The following PSD3 variants were observed in gnomAD, a reference collection of about 807,000 sequenced individuals.
PSD3 encodes PH and SEC7 domain-containing protein 3.
In PSD3, 49 loss-of-function variants were observed where a neutral mutation model predicts 105.5. The observed-to-expected ratio is 0.46, with a 90% CI of 0.37 to 0.59. The LOEUF is 0.59. PSD3 is among the 20% of genes least tolerant of loss of function. The pLI, the probability that PSD3 is intolerant of heterozygous loss-of-function variation, is 0.00. For synonymous variants in PSD3, 557 were observed against 457.8 expected, an observed-to-expected ratio of 1.22 and a Z score of -2.77; for missense variants, 1,561 against 1,263.8, an observed-to-expected ratio of 1.24 and a Z score of -3.57.
At chr8:18,990,577 C>G (rs574604257) in intron 1 of PSD3, among the ~76,000 whole-genome samples, 1 of 152,310 alleles carries the variant, frequency 6.6e-6, no homozygotes, top group South Asian at 2.1e-4. Flanking sequence ...ACCTTTCCCT[C>G]ATTCTCACTC....
At position 18,804,506 on chromosome 8, in the gene PSD3, G is replaced by T; in HGVS notation, c.1910+16C>A. The T allele has an allele frequency of 6.4e-7, 1 of 1,570,784 alleles. No homozygotes were observed. Among genetic ancestry groups the T allele is most frequent in the Non-Finnish European group, 8.7e-7 (1 of 1,143,998 alleles). ...ATTTGAAAGCAATGACGAGCAGCAAGGAGGCTTAGTCATACCTGAGTGACT... is the reference window on the plus strand; with the variant it reads ...ATTTGAAAGCAATGACGAGCAGCAATGAGGCTTAGTCATACCTGAGTGACT... On this transcript the variant is annotated intron_variant, in intron 6 of 15. Coordinates refer to ENST00000327040, the MANE Select transcript of PSD3 (RefSeq NM_015310.4).
At chr8:18,775,788 C>G (rs878934182) in intron 8 of PSD3, among the ~76,000 whole-genome samples, 1 of 152,122 alleles carries the variant, frequency 6.6e-6, no homozygotes, top group Admixed American at 6.6e-5. Context: ...TGTATCTTCA[C>G]TTTGTTGATT....
At chr8:18,809,029 T>A in intron 4 of PSD3, 2 of 971,264 alleles carry the variant, frequency 2.1e-6, no homozygotes, top group Non-Finnish European at 2.8e-6. Context: ...ATCGAGAACG[T>A]AAGAAACAGT....
chr8:18,961,655 CACTCCA>C (rs1563466370), intron 1 of PSD3, among the ~76,000 whole-genome samples: 1 of 152,176 alleles, frequency 6.6e-6, no homozygotes, highest in African/African-American at 2.4e-5. Context: ...CACGCTACTG[CACTCCA>C]GCCTGGGTGA....
At chr8:18,979,363 A>T (rs940077009) in intron 1 of PSD3, among the ~76,000 whole-genome samples, 6 of 152,242 alleles carry the variant, frequency 3.9e-5, no homozygotes, top group African/African-American at 1.4e-4. Flanking sequence ...AGCAGCTCTT[A>T]CATGATGCCA....
chr8:18,971,735 T>C (rs1168110619), intron 1 of PSD3, among the ~76,000 whole-genome samples: 1 of 152,126 alleles, frequency 6.6e-6, no homozygotes. Flanking sequence ...CCAGGTGCAG[T>C]GGCTCACACC....
chr8:18,891,601 C>T (rs1012652139), intron 2 of PSD3, among the ~76,000 whole-genome samples: 17 of 151,772 alleles, frequency 1.1e-4, no homozygotes, highest in African/African-American at 2.9e-4. Flanking sequence ...GCTGGTTTAT[C>T]CAACATCCAA....
At chr8:18,585,297 G>A (rs1803096181) in intron 12 of PSD3, among the ~76,000 whole-genome samples, 1 of 152,086 alleles carries the variant, frequency 6.6e-6, no homozygotes, top group Non-Finnish European at 1.5e-5. Flanking sequence ...AGGAAAATAA[G>A]GTCTGAATAA....
At chr8:18,992,631 C>T (rs1293825435) in intron 1 of PSD3, among the ~76,000 whole-genome samples, 1 of 152,150 alleles carries the variant, frequency 6.6e-6, no homozygotes, top group Non-Finnish European at 1.5e-5. Flanking sequence ...CTAATTAGAA[C>T]AAATGAACTT....
chr8:18,911,705 A>AT (rs1820233104), intron 2 of PSD3, among the ~76,000 whole-genome samples: 1 of 152,150 alleles, frequency 6.6e-6, no homozygotes, highest in South Asian at 2.1e-4. Context: ...CAGCATTTTC[A>AT]TTTTTTATAA....
rs752276064 is a variant in PSD3 at position 18,872,632 on chromosome 8, C to A, written c.232G>T (p.Glu78Ter). Residue 78 changes from glutamate to a stop codon, truncating the protein, a stop_gained, in exon 3 of 16, where the codon GAA becomes TAA. Coordinates refer to ENST00000327040, the MANE Select transcript of PSD3 (RefSeq NM_015310.4). LOFTEE classifies it high-confidence loss of function. ...EGGEGLRASL[E>*]FDGEALPCHP... Reference sequence around the variant, plus strand: ...CATGGCAGAGCCTCACCATCAAATTCCAGAGAAGCCCTTAGGCCTTCTCCA... The same window carrying A: ...CATGGCAGAGCCTCACCATCAAATTACAGAGAAGCCCTTAGGCCTTCTCCA... The A allele has an allele frequency of 6.2e-7, 1 of 1,613,978 alleles. No homozygotes were observed.
rs551202986 is a variant in PSD3, at chr8:19,025,582, T to C, written c.324+58624A>G. ...CCAGGGTTGAGGTCCTGCCATCATT[T>C]GGGGTTACCTCTCCTACCCCCCAGT... On this transcript the variant is annotated intron_variant, in intron 1 of 1. Transcript: ENST00000521475. Among the ~76,000 whole-genome samples, 5 of 152,316 alleles carry C rather than the reference T, an allele frequency of 3.3e-5. No individual in the cohort carries two copies. The South Asian group carries it at 1.0e-3, about 32-fold the overall frequency.
At chr8:18,861,137 G>C (rs1375304260) in intron 4 of PSD3, among the ~76,000 whole-genome samples, 1 of 152,182 alleles carries the variant, frequency 6.6e-6, no homozygotes, top group Non-Finnish European at 1.5e-5. Context: ...AAGACCACCA[G>C]GGCAAGGGCT....
intron 2 of PSD3, among the ~76,000 whole-genome samples, chr8:18,874,808 G>T (rs1235634973): frequency 1.3e-5 from 2 of 151,506 alleles, no homozygotes; most frequent in East Asian, 3.9e-4. Flanking sequence ...CTAATAATAG[G>T]TGTATTGCTA....
chr8:18,822,392 T>G (rs1040430470), intron 4 of PSD3, among the ~76,000 whole-genome samples: 9 of 152,162 alleles, frequency 5.9e-5, no homozygotes, highest in Non-Finnish European at 1.0e-4. Context: ...TTAGTAGTAG[T>G]ACAGTCCATC....
chr8:18,584,932 T>C (rs898376036), intron 12 of PSD3, among the ~76,000 whole-genome samples: 1 of 152,128 alleles, frequency 6.6e-6, no homozygotes, highest in Non-Finnish European at 1.5e-5. Flanking sequence ...AGCGGAGGCA[T>C]GTGTCTGATC....
intron 9 of PSD3, among the ~76,000 whole-genome samples, chr8:18,752,519 A>ATATTATATATTATATATAAT (rs1805606391): frequency 1.5e-5 from 1 of 67,882 alleles, no homozygotes; most frequent in African/African-American, 8.1e-5. Flanking sequence ...TAATATATGT[A>ATATTATATATTATATATAAT]ATATATATAA....
chr8:18,624,373 G>C (rs545355225), intron 11 of PSD3, among the ~76,000 whole-genome samples: 1 of 151,920 alleles, frequency 6.6e-6, no homozygotes, highest in South Asian at 2.1e-4. Context: ...CTTCATATAT[G>C]TATTGATCAT....
In PSD3 at chr8:18,975,797, T is replaced by C. The variant is rs538731275; in HGVS notation, c.21+37766A>G. Among the ~76,000 whole-genome samples, 11 of 152,132 alleles carry C rather than the reference T, an allele frequency of 7.2e-5. No individual in the cohort carries two copies. The East Asian group carries it at 1.2e-3, about 16-fold the overall frequency. Reference sequence around the variant, plus strand: ...GAAATACTAACTGCAAATAAACATATGGAAAATGTCTCAATGCTAACTCAT... The same window carrying C: ...GAAATACTAACTGCAAATAAACATACGGAAAATGTCTCAATGCTAACTCAT... On this transcript the variant is annotated intron_variant, in intron 1 of 15. Transcript: ENST00000327040.
Sources: allele counts gnomAD v4.1 joint callset (sites outside exome capture counted in the v4.1 genomes callset), GRCh38; gene constraint gnomAD v4.1.1; transcripts MANE v1.5; gene names NCBI Gene and HGNC (gene_info 2026-07-23, HGNC 2026-07-21).